Variants in SDK1 observed in about 807,000 individuals in gnomAD.
The protein encoded by SDK1 is protein sidekick-1.
SDK1 carries 157 observed loss-of-function variants against 245.5 expected under a neutral mutation model. That is an observed-to-expected ratio of 0.64 (90% confidence interval 0.56 to 0.73). The LOEUF (loss-of-function observed/expected upper bound fraction) is 0.73. SDK1 is among the 30% of genes least tolerant of loss of function. The pLI, the probability that SDK1 is intolerant of heterozygous loss-of-function variation, is 0.00. For synonymous variants in SDK1, 1,647 were observed against 1,278.5 expected (o/e 1.29, Z -6.15); for missense variants, 3,583 against 3,002.3 (o/e 1.19, Z -4.52).
intron 1 of SDK1, among the ~76,000 whole-genome samples, chr7:3,570,999 A>G (rs1459642299): frequency 1.3e-5 from 2 of 152,046 alleles, no homozygotes; most frequent in African/African-American, 4.8e-5. Flanking sequence ...CGTTTGTTTT[A>G]CATTTTCTCA....
intron 5 of SDK1, among the ~76,000 whole-genome samples, chr7:3,894,103 T>C (rs1781532066): frequency 6.6e-6 from 1 of 152,218 alleles, no homozygotes. Context: ...AAGTACTTCA[T>C]GCTTGAAGCT....
At chr7:3,842,639 C>A (rs1224495429) in intron 5 of SDK1, among the ~76,000 whole-genome samples, 1 of 152,072 alleles carries the variant, frequency 6.6e-6, no homozygotes, top group East Asian at 1.9e-4. Context: ...ACAGTTGTGA[C>A]GAACAATCGT....
intron 38 of SDK1, among the ~76,000 whole-genome samples, chr7:4,219,797 C>A (rs1562448649): frequency 6.7e-6 from 1 of 148,706 alleles, no homozygotes; most frequent in Non-Finnish European, 1.5e-5. Flanking sequence ...GACCGCCCCC[C>A]TTCCCCCGCC....
chr7:4,160,405 C>T (rs1009321934), intron 31 of SDK1, among the ~76,000 whole-genome samples: 5 of 152,166 alleles, frequency 3.3e-5, no homozygotes, highest in African/African-American at 1.2e-4. Flanking sequence ...CTTCAGACTC[C>T]AGAGGCCTTT....
chr7:3,743,317 C>T (rs1325956282), intron 4 of SDK1, among the ~76,000 whole-genome samples: 3 of 152,102 alleles, frequency 2.0e-5, no homozygotes, highest in Non-Finnish European at 2.9e-5. Context: ...GTTTGAGACT[C>T]GGGTTCTGTG....
At chr7:3,621,864 G>A (rs1484439025) in intron 2 of SDK1, among the ~76,000 whole-genome samples, 1 of 152,134 alleles carries the variant, frequency 6.6e-6, no homozygotes, top group Non-Finnish European at 1.5e-5. Flanking sequence ...TATACAGAGG[G>A]TCCCCAACTT....
intron 3 of SDK1, 118 bp from the exon 4 acceptor site, chr7:3,641,840 G>A: frequency 1.2e-6 from 1 of 805,232 alleles, no homozygotes; most frequent in African/African-American, 1.7e-5. Context: ...GCTCGTCCTG[G>A]TGTGAAATGT....
chr7:3,573,588 C>A (rs1285636846), intron 1 of SDK1, among the ~76,000 whole-genome samples: 1 of 152,004 alleles, frequency 6.6e-6, no homozygotes, highest in Non-Finnish European at 1.5e-5. Flanking sequence ...CCAGCACCTG[C>A]TTAATGGCCA....
chr7:4,021,294 G>A (rs1261955734), intron 17 of SDK1, among the ~76,000 whole-genome samples: 3 of 152,128 alleles, frequency 2.0e-5, no homozygotes, highest in East Asian at 1.9e-4. Flanking sequence ...GGGGTACTGG[G>A]CGTGCTTTGA....
At chr7:4,212,591 C>T (rs1293656695) in intron 38 of SDK1, among the ~76,000 whole-genome samples, 1 of 152,270 alleles carries the variant, frequency 6.6e-6, no homozygotes, top group African/African-American at 2.4e-5. Flanking sequence ...CCAGCACCTG[C>T]CTGGGAGCCA....
chr7:3,732,826 G>T (rs765917554), intron 4 of SDK1, among the ~76,000 whole-genome samples: 33 of 152,210 alleles, frequency 2.2e-4, no homozygotes, highest in Non-Finnish European at 4.7e-4. Flanking sequence ...ATATCCTTGA[G>T]ATGCAGGTGT....
At chr7:3,800,476 G>GGT (rs1165317005) in intron 4 of SDK1, among the ~76,000 whole-genome samples, 1 of 151,912 alleles carries the variant, frequency 6.6e-6, no homozygotes, top group Non-Finnish European at 1.5e-5. Context: ...CTGCCTCCTG[G>GGT]GTTTAAGAGA....
intron 19 of SDK1, among the ~76,000 whole-genome samples, chr7:4,065,300 A>G (rs1779802265): frequency 6.6e-6 from 1 of 152,214 alleles, no homozygotes; most frequent in East Asian, 1.9e-4. Context: ...CACACCCAGC[A>G]GGACTTCTTT....
chr7:3,422,579 G>A (rs1779561412), intron 1 of SDK1, among the ~76,000 whole-genome samples: 1 of 152,132 alleles, frequency 6.6e-6, no homozygotes, highest in East Asian at 1.9e-4. Context: ...GATTGCTTGA[G>A]CTCAGAAGTT....
intron 5 of SDK1, among the ~76,000 whole-genome samples, chr7:3,876,119 G>T (rs554173312): frequency 1.1e-4 from 17 of 152,280 alleles, no homozygotes; most frequent in African/African-American, 3.6e-4. Flanking sequence ...GCACTAGTCT[G>T]CTGTTTCCCT....
chr7:3,622,414 G>C (rs11771990), intron 2 of SDK1, among the ~76,000 whole-genome samples: 1 of 152,098 alleles, frequency 6.6e-6, no homozygotes, highest in African/African-American at 2.4e-5. Context: ...CCAGGAGGCA[G>C]AGGTTGCAGT....
intron 29 of SDK1, among the ~76,000 whole-genome samples, chr7:4,148,863 C>G (rs111773410): frequency 0.033 from 5,099 of 152,270 alleles, 252 homozygotes; most frequent in African/African-American, 0.12. Context: ...CAAGACCATC[C>G]TGGCCAACAT....
At chr7:3,806,415 C>G (rs1281251642) in intron 4 of SDK1, among the ~76,000 whole-genome samples, 1 of 152,142 alleles carries the variant, frequency 6.6e-6, no homozygotes, top group African/African-American at 2.4e-5. Context: ...CTTATTCGGC[C>G]CACCACGAGA....
chr7:4,048,456 C>T (rs1439583235), intron 17 of SDK1, among the ~76,000 whole-genome samples: 5 of 152,172 alleles, frequency 3.3e-5, no homozygotes, highest in Non-Finnish European at 7.4e-5. Flanking sequence ...CAGCGAGACC[C>T]GCGCACTGTC....
Sources: gnomAD v4.1 joint callset for allele counts (sites outside exome capture counted in the v4.1 genomes callset) on GRCh38, gnomAD v4.1.1 for gene constraint, MANE v1.5 for transcripts, NCBI Gene and HGNC (gene_info 2026-07-23, HGNC 2026-07-21) for gene names.